Variants in CHSY3 observed in about 807,000 individuals in gnomAD.
The protein encoded by CHSY3 is N-acetylgalactosaminyl-proteoglycan 3-beta-glucuronosyltransferase 3.
Under a neutral mutation model 67.2 loss-of-function variants are expected in CHSY3, and 35 were observed. The ratio of observed to expected loss-of-function variants is 0.52; its 90% CI spans 0.40 to 0.69. The LOEUF is 0.69. Ranked by LOEUF, CHSY3 falls within the 30% of genes least tolerant of loss-of-function variation. The probability of loss-of-function intolerance (pLI) is 0.00; values close to 1 mark genes in which losing one functional copy is unlikely to be tolerated. For synonymous variants in CHSY3, 474 were observed against 434.7 expected, an observed-to-expected ratio of 1.09 and a Z score of -1.12; for missense variants, 1,069 against 1,138.5, an observed-to-expected ratio of 0.94 and a Z score of 0.88.
chr5:129,936,441 A>C (rs1761494926), intron 2 of CHSY3, among the ~76,000 whole-genome samples: 1 of 152,106 alleles, frequency 6.6e-6, no homozygotes, highest in Non-Finnish European at 1.5e-5. Context: ...TGTGATGTCA[A>C]GTGCCACTGC....
At position 129,979,195 on chromosome 5, in the gene CHSY3, G is replaced by A. The variant is rs538871053; in HGVS notation, c.1086+70835G>A. ...AGCCTGGGTGAGACAGCGAGACTCC[G>A]TCTCAAAAAAAAAAAAAAAAAAAAA... is the stretch of plus-strand genomic sequence containing the variant. On this transcript the variant is annotated intron_variant, in intron 2 of 2. Coordinates refer to ENST00000305031, the MANE Select transcript of CHSY3 (RefSeq NM_175856.5). Among the ~76,000 whole-genome samples the A allele has an allele frequency of 3.1e-3, 232 of 75,186 alleles. 1 individual carries two copies. Among genetic ancestry groups the A allele is most frequent in the African/African-American group, 0.012 (217 of 17,734 alleles). 49.3% of individuals were successfully genotyped at this position (75,186 alleles called of 152,430 possible).
At chr5:130,183,079 C>A (rs901003525) in intron 2 of CHSY3, among the ~76,000 whole-genome samples, 23 of 151,790 alleles carry the variant, frequency 1.5e-4, no homozygotes, top group African/African-American at 5.3e-4. Flanking sequence ...GTGCTGCTGG[C>A]CTTTTTTCTT....
chr5:130,088,922 C>T (rs1006642649), intron 2 of CHSY3, among the ~76,000 whole-genome samples: 3 of 151,924 alleles, frequency 2.0e-5, no homozygotes, highest in African/African-American at 4.8e-5. Context: ...CACACGCACA[C>T]GTATGTTTAT....
At chr5:130,027,491 C>G (rs1330425746) in intron 2 of CHSY3, among the ~76,000 whole-genome samples, 2 of 151,994 alleles carry the variant, frequency 1.3e-5, no homozygotes, top group African/African-American at 4.8e-5. Flanking sequence ...TCTTATTATA[C>G]TTTAAGTTCT....
chr5:129,985,890 T>G (rs1763185721), intron 2 of CHSY3, among the ~76,000 whole-genome samples: 2 of 152,208 alleles, frequency 1.3e-5, no homozygotes, highest in Non-Finnish European at 2.9e-5. Flanking sequence ...GAAACTTGGC[T>G]GAAGTTGTTT....
intron 2 of CHSY3, among the ~76,000 whole-genome samples, chr5:129,947,372 C>A (rs1036447726): frequency 1.3e-5 from 2 of 152,096 alleles, no homozygotes; most frequent in African/African-American, 4.8e-5. Context: ...ACCAGTAATC[C>A]CAGCACTTTG....
At position 130,184,684 on chromosome 5, in the gene CHSY3, A is replaced by C. The variant is rs1051735913; in HGVS notation, c.1542A>C (p.Gly514=). Residue 514 remains glycine, a synonymous_variant, in exon 3 of 3, where the codon GGA becomes GGC. Transcript: ENST00000305031. ...TCAATGAGAATGCCAAGAGCAGAGG[A>C]CGGCTCATTGACTTCAAGGAAATTC... The part of the protein sequence containing the change: ...EMINENAKSR[G]RLIDFKEIQY... 6.2e-7 allele frequency: 1 copy of C among 1,606,858 alleles called. No individual in the cohort carries two copies. The highest frequency in any genetic ancestry group is 1.3e-5 in the African/African-American group (1 of 74,756).
chr5:130,159,161 C>CTTTTTTT (rs33919002), intron 2 of CHSY3, among the ~76,000 whole-genome samples: 6 of 98,706 alleles, frequency 6.1e-5, no homozygotes, highest in South Asian at 3.5e-4. Flanking sequence ...TAAGATTTGT[C>CTTTTTTT]TTTTTTTTTT....
chr5:130,074,624 T>A (rs912255183), intron 2 of CHSY3, among the ~76,000 whole-genome samples: 2 of 152,208 alleles, frequency 1.3e-5, no homozygotes, highest in Non-Finnish European at 2.9e-5. Flanking sequence ...TTTGGAATAC[T>A]TTTATTCATT....
intron 2 of CHSY3, among the ~76,000 whole-genome samples, chr5:130,022,818 G>C (rs1467434195): frequency 6.6e-6 from 1 of 151,690 alleles, no homozygotes; most frequent in Non-Finnish European, 1.5e-5. Context: ...GTGAATGTAA[G>C]GTAAATATAA....
chr5:129,929,715 A>T (rs1325015361), intron 2 of CHSY3, among the ~76,000 whole-genome samples: 1 of 152,184 alleles, frequency 6.6e-6, no homozygotes, highest in African/African-American at 2.4e-5. Flanking sequence ...AATTTTTAAC[A>T]TTAGTGTTTA....
At chr5:130,070,855 TA>T (rs1211189370) in intron 2 of CHSY3, among the ~76,000 whole-genome samples, 2 of 152,100 alleles carry the variant, frequency 1.3e-5, no homozygotes, top group African/African-American at 4.8e-5. Context: ...AGAACAGTGA[TA>T]TTTTGACTGC....
At chr5:130,055,053 T>A (rs1765485752) in intron 2 of CHSY3, among the ~76,000 whole-genome samples, 1 of 152,270 alleles carries the variant, frequency 6.6e-6, no homozygotes, top group Non-Finnish European at 1.5e-5. Context: ...CTTGTATCAC[T>A]ACTCTTCACC....
At chr5:130,080,713 T>C (rs1281933910) in intron 2 of CHSY3, among the ~76,000 whole-genome samples, 1 of 151,928 alleles carries the variant, frequency 6.6e-6, no homozygotes, top group African/African-American at 2.4e-5. Context: ...GGATTTGAGG[T>C]AATAAATATG....
intron 2 of CHSY3, among the ~76,000 whole-genome samples, chr5:129,928,761 G>T (rs1348905034): frequency 2.0e-5 from 3 of 152,054 alleles, no homozygotes; most frequent in African/African-American, 7.2e-5. Context: ...GCATAAAATT[G>T]ATTTATATTG....
At chr5:130,180,163 G>T (rs1770202152) in intron 2 of CHSY3, among the ~76,000 whole-genome samples, 2 of 152,098 alleles carry the variant, frequency 1.3e-5, no homozygotes, top group Admixed American at 1.3e-4. Context: ...CACTGACACT[G>T]ATCTGCTTAG....
At chr5:129,971,041 T>C (rs1015706708) in intron 2 of CHSY3, among the ~76,000 whole-genome samples, 1 of 151,896 alleles carries the variant, frequency 6.6e-6, no homozygotes, top group Non-Finnish European at 1.5e-5. Context: ...CTTGGTGTTC[T>C]ATTTAAAAAT....
chr5:129,993,454 C>T (rs1051892935), intron 2 of CHSY3, among the ~76,000 whole-genome samples: 2 of 152,008 alleles, frequency 1.3e-5, no homozygotes, highest in African/African-American at 4.8e-5. Flanking sequence ...ATCCCTTTAC[C>T]ATTATGTAAT....
intron 2 of CHSY3, among the ~76,000 whole-genome samples, chr5:130,090,694 AT>A: frequency 6.6e-6 from 1 of 152,202 alleles, no homozygotes; most frequent in African/African-American, 2.4e-5. Context: ...TAATGCACAT[AT>A]TTTATTTACT....
Sources: gnomAD v4.1 joint callset for allele counts (sites outside exome capture counted in the v4.1 genomes callset) on GRCh38, gnomAD v4.1.1 for gene constraint, MANE v1.5 for transcripts, NCBI Gene and HGNC (gene_info 2026-07-23, HGNC 2026-07-21) for gene names.